TRIP12: variants seen among roughly 807,000 people sequenced by gnomAD.
TRIP12 encodes E3 ubiquitin-protein ligase TRIP12.
A neutral mutation model predicts 244.2 loss-of-function variants in TRIP12; 25 were observed. The observed-to-expected ratio is 0.10, with a 90% CI of 0.07 to 0.14. The LOEUF (loss-of-function observed/expected upper bound fraction) is 0.14, where lower values mean the gene tolerates loss of function less well. Among genes scored for constraint, TRIP12 ranks in the 10% least tolerant of loss-of-function variants. TRIP12 has a pLI of 1.00. For synonymous variants in TRIP12, 905 were observed against 873.1 expected (o/e 1.04, Z -0.64); for missense variants, 1,677 against 2,486.4 (o/e 0.67, Z 6.92).
At chr2:229,843,281 C>T (rs2056904994) in intron 4 of TRIP12, among the ~76,000 whole-genome samples, 1 of 152,130 alleles carries the variant, frequency 6.6e-6, no homozygotes, top group African/African-American at 2.4e-5. Flanking sequence ...CCTCAAAATT[C>T]TTGACCTTAT....
chr2:229,790,492 C>T (rs2041188051), intron 30 of TRIP12, among the ~76,000 whole-genome samples: 1 of 148,920 alleles, frequency 6.7e-6, no homozygotes. Context: ...ACCAGGGAAA[C>T]CAGTGTGAAA....
intron 17 of TRIP12, 177 bp downstream of exon 17, chr2:229,807,531 T>C: frequency 1.4e-6 from 1 of 735,788 alleles, no homozygotes; most frequent in Non-Finnish European, 2.3e-6. Flanking sequence ...GACTAGAACA[T>C]GAAGTTTTCT....
intron 4 of TRIP12, among the ~76,000 whole-genome samples, chr2:229,843,219 C>A (rs1318711597): frequency 6.6e-6 from 1 of 151,950 alleles, no homozygotes; most frequent in Admixed American, 6.6e-5. Context: ...TATACTCTTA[C>A]CCCAAAGGTT....
intron 2 of TRIP12, among the ~76,000 whole-genome samples, chr2:229,874,827 T>G (rs2063308740): frequency 6.6e-6 from 1 of 152,346 alleles, no homozygotes; most frequent in East Asian, 1.9e-4. Flanking sequence ...ATGCACTGTT[T>G]ATATAGTTAA....
intron 2 of TRIP12, among the ~76,000 whole-genome samples, chr2:229,877,017 A>G (rs114619672): frequency 0.011 from 1,654 of 151,982 alleles, 17 homozygotes; most frequent in Middle Eastern, 0.02. Context: ...TTTAAAATAC[A>G]TGATACTAGG....
Position 229,858,319 on chromosome 2 carries a change from C to T in TRIP12, c.1027+453G>A, listed in dbSNP as rs372458006. 3.3e-5 allele frequency among the ~76,000 whole-genome samples: 5 copies of T among 152,238 alleles called. No individual in the cohort carries two copies. The South Asian group carries it at 6.2e-4, about 19-fold the overall frequency. The stretch of plus-strand genomic sequence containing the variant: ...CGGAGGTTGCAGTGAGCCGAGACTG[C>T]GCCACTGCACTCCAGCCTAGGCGAC... On this transcript the variant is annotated intron_variant, in intron 4 of 41. Coordinates refer to ENST00000675903, the MANE Select transcript of TRIP12 (RefSeq NM_001348323.3).
At chr2:229,788,229 T>C (rs1327264364) in intron 32 of TRIP12, among the ~76,000 whole-genome samples, 1 of 152,222 alleles carries the variant, frequency 6.6e-6, no homozygotes, top group Non-Finnish European at 1.5e-5. Flanking sequence ...TACACTTAAG[T>C]CGATAGATCA....
At chr2:229,797,615 T>C in intron 24 of TRIP12, 75 bp downstream of exon 24, 1 of 1,558,650 alleles carries the variant, frequency 6.4e-7, no homozygotes, top group Non-Finnish European at 8.7e-7. Flanking sequence ...AGCTAGAGAG[T>C]CATGAAGGAA....
At chr2:229,911,150 T>C (rs774823878) in intron 1 of TRIP12, among the ~76,000 whole-genome samples, 14 of 152,370 alleles carry the variant, frequency 9.2e-5, no homozygotes, top group African/African-American at 2.6e-4. Context: ...GTAAAACAGA[T>C]AGACTTCACG....
At chr2:229,885,478 T>G (rs1247213573) in intron 1 of TRIP12, among the ~76,000 whole-genome samples, 1 of 152,168 alleles carries the variant, frequency 6.6e-6, no homozygotes. Flanking sequence ...CATCCAGACC[T>G]GCAGACTGCA....
intron 25 of TRIP12, 92 bp from the exon 26 acceptor site, chr2:229,795,422 G>C: frequency 7.1e-7 from 1 of 1,411,534 alleles, no homozygotes; most frequent in African/African-American, 1.5e-5. Context: ...CTTTATAAAA[G>C]AGAATAATTT....
chr2:229,830,431 AC>A (rs1398066367), intron 7 of TRIP12, among the ~76,000 whole-genome samples: 1 of 152,218 alleles, frequency 6.6e-6, no homozygotes, highest in Non-Finnish European at 1.5e-5. Context: ...TGGATACCAG[AC>A]AAAAATATAT....
intron 12 of TRIP12, 64 bp from the exon 13 acceptor site, chr2:229,814,095 C>T (rs550330623): frequency 1.3e-6 from 2 of 1,518,272 alleles, no homozygotes; most frequent in South Asian, 2.6e-5. Flanking sequence ...AATAATTTAA[C>T]TCATAAAAAG....
intron 4 of TRIP12, among the ~76,000 whole-genome samples, chr2:229,851,709 G>A (rs2058739692): frequency 6.6e-6 from 1 of 152,148 alleles, no homozygotes; most frequent in Non-Finnish European, 1.5e-5. Context: ...CCCACCGGGA[G>A]GAAGGAACAA....
intron 6 of TRIP12, among the ~76,000 whole-genome samples, chr2:229,834,221 G>A (rs1005976433): frequency 6.6e-6 from 1 of 152,184 alleles, no homozygotes; most frequent in Non-Finnish European, 1.5e-5. Flanking sequence ...ATTCTACATG[G>A]AGTGACAAAT....
intron 2 of TRIP12, among the ~76,000 whole-genome samples, chr2:229,861,917 G>A (rs1013682371): frequency 6.6e-6 from 1 of 152,100 alleles, no homozygotes; most frequent in Admixed American, 6.5e-5. Flanking sequence ...CTCTAGGTGA[G>A]CCTTTCAAGT....
intron 34 of TRIP12, 38 bp from the exon 35 acceptor site, chr2:229,779,028 A>C: frequency 6.4e-7 from 1 of 1,574,244 alleles, no homozygotes; most frequent in Non-Finnish European, 8.7e-7. Flanking sequence ...TCAAATTTTA[A>C]GAATTGTGTT....
intron 1 of TRIP12, among the ~76,000 whole-genome samples, chr2:229,911,867 T>C (rs1351001300): frequency 6.6e-6 from 1 of 152,038 alleles, no homozygotes; most frequent in South Asian, 2.1e-4. Flanking sequence ...GAGTCAGTAA[T>C]GGCTAGAAAA....
chr2:229,809,714 AAATAGG>A (rs1235636730), intron 15 of TRIP12, among the ~76,000 whole-genome samples: 4 of 151,892 alleles, frequency 2.6e-5, no homozygotes, highest in Non-Finnish European at 5.9e-5. Flanking sequence ...GGACCACTCA[AAATAGG>A]GTTGTCTGGA....
Sources: gnomAD v4.1 joint callset for allele counts (sites outside exome capture counted in the v4.1 genomes callset) on GRCh38, gnomAD v4.1.1 for gene constraint, MANE v1.5 for transcripts, NCBI Gene and HGNC (gene_info 2026-07-23, HGNC 2026-07-21) for gene names.